The following TLE4 variants were observed in gnomAD, a reference collection of about 807,000 sequenced individuals.
TLE4 encodes the protein transducin-like enhancer protein 4.
A neutral mutation model predicts 92.8 loss-of-function variants in TLE4; 8 were observed. The observed-to-expected ratio is 0.09, with a 90% CI of 0.05 to 0.16. TLE4 has a LOEUF of 0.16. Among genes scored for constraint, TLE4 ranks in the 10% least tolerant of loss-of-function variants. The pLI, the probability that TLE4 is intolerant of heterozygous loss-of-function variation, is 1.00. For synonymous variants in TLE4, 371 were observed against 374.1 expected (o/e 0.99, Z 0.10); for missense variants, 675 against 997.6 (o/e 0.68, Z 4.36).
Position 79,627,405 on chromosome 9 carries a change from G to A in TLE4, c.347G>A (p.Arg116Gln). ...CAACAAGTGGTGCAGGCTGTGGAAC[G>A]GGCCAAGCAGGTGACCATGGCAGAA... Reference protein sequence around the residue: ...HQQQVVQAVERAKQVTMAELN... With the variant: ...HQQQVVQAVEQAKQVTMAELN... Residue 116 changes from arginine to glutamine, a missense_variant, in exon 6 of 20, where the codon CGG becomes CAG. Physicochemically the swap from Arg to Gln is conservative, Grantham distance 43 (BLOSUM62 1). This residue lies in a region of TLE4 where 68 missense variants were observed against 141.2 expected (regional missense o/e 0.48). Transcript: ENST00000376552. 6.2e-7 allele frequency: 1 copy of A among 1,614,134 alleles called. No homozygotes were observed. The highest frequency in any genetic ancestry group is 8.5e-7 in the Non-Finnish European group (1 of 1,180,014).
intron 8 of TLE4, among the ~76,000 whole-genome samples, chr9:79,658,322 G>A (rs1424001749): frequency 2.0e-5 from 3 of 151,984 alleles, no homozygotes; most frequent in Non-Finnish European, 1.5e-5. Context: ...TTTAATTTAC[G>A]TATAATTATT....
chr9:79,614,127 T>C (rs1475468672), intron 5 of TLE4, among the ~76,000 whole-genome samples: 2 of 152,188 alleles, frequency 1.3e-5, no homozygotes, highest in South Asian at 2.1e-4. Flanking sequence ...TCCAGACTAG[T>C]GTGTATTTTT....
chr9:79,724,538 C>G lies in TLE4; in HGVS notation c.2215-499C>G, dbSNP rs550864943. Reference sequence around the variant, plus strand: ...AGGTGTCGCCAAGGGTGGATCCGATCCACCTCTGCCATTTTAAGAAAGTGC... The same window carrying G: ...AGGTGTCGCCAAGGGTGGATCCGATGCACCTCTGCCATTTTAAGAAAGTGC... On this transcript the variant is annotated intron_variant, in intron 19 of 19. Coordinates refer to ENST00000376552, the MANE Select transcript of TLE4 (RefSeq NM_007005.6). 8.4e-4 allele frequency among the ~76,000 whole-genome samples: 128 copies of G among 152,136 alleles called. 1 individual carries two copies. The highest frequency in any genetic ancestry group is 2.2e-4 in the Non-Finnish European group (15 of 67,998).
rs1437960014 is a variant in TLE4, at chr9:79,627,439, C to T, written c.381C>T (p.Ala127=). 1 of 1,614,012 alleles carries T rather than the reference C, an allele frequency of 6.2e-7. No individual in the cohort carries two copies. The highest frequency in any genetic ancestry group is 1.1e-5 in the South Asian group (1 of 91,076). The part of the protein sequence containing the change: ...AKQVTMAELN[A]IIGQQLQAQH... ...AGGTGACCATGGCAGAACTGAACGC[C>T]ATCATTGGGGTACGTGGCCTTTCCA... Residue 127 remains alanine (A), a synonymous_variant, in exon 6 of 20, where the codon GCC becomes GCT. Transcript: ENST00000376552.
At chr9:79,607,336 G>A (rs1028011213) in intron 4 of TLE4, among the ~76,000 whole-genome samples, 1 of 152,144 alleles carries the variant, frequency 6.6e-6, no homozygotes, top group Non-Finnish European at 1.5e-5. Flanking sequence ...TGTTCACTCT[G>A]ATGGTAGTTT....
chr9:79,719,481 G>A (rs2075213550), intron 15 of TLE4, among the ~76,000 whole-genome samples: 1 of 152,162 alleles, frequency 6.6e-6, no homozygotes, highest in Non-Finnish European at 1.5e-5. Flanking sequence ...AACCTCATGA[G>A]CTAGGAGGAA....
At chr9:79,687,266 T>G (rs1475146964) in intron 8 of TLE4, among the ~76,000 whole-genome samples, 1 of 152,178 alleles carries the variant, frequency 6.6e-6, no homozygotes, top group Admixed American at 6.5e-5. Context: ...CATGGCCACG[T>G]ACAAGTTATA....
intron 14 of TLE4, among the ~76,000 whole-genome samples, chr9:79,717,687 G>T (rs1204355158): frequency 2.0e-5 from 3 of 152,158 alleles, no homozygotes; most frequent in African/African-American, 7.2e-5. Flanking sequence ...TCCGCAGTTT[G>T]GTCCAGCTTC....
chr9:79,605,954 T>C (rs2046743908), intron 4 of TLE4, among the ~76,000 whole-genome samples: 1 of 151,978 alleles, frequency 6.6e-6, no homozygotes, highest in Non-Finnish European at 1.5e-5. Context: ...GGTATGGGGG[T>C]TGTGAAAAGA....
chr9:79,579,014 A>G (rs1484697548), intron 4 of TLE4, among the ~76,000 whole-genome samples: 1 of 152,014 alleles, frequency 6.6e-6, no homozygotes, highest in African/African-American at 2.4e-5. Context: ...CTCAAGTTCT[A>G]GCATAAAAGT....
intron 4 of TLE4, among the ~76,000 whole-genome samples, chr9:79,585,840 TC>T (rs1470663033): frequency 6.6e-6 from 1 of 151,986 alleles, no homozygotes; most frequent in Admixed American, 6.6e-5. Context: ...AATAAAGCAT[TC>T]CCCCCGTCCT....
At chr9:79,651,089 A>G (rs78758328) in intron 6 of TLE4, among the ~76,000 whole-genome samples, 1,633 of 146,498 alleles carry the variant, frequency 0.011, 38 homozygotes, top group African/African-American at 0.039. Context: ...CTATCTCTAG[A>G]TATTTTGTGA....
chr9:79,665,761 A>T, intron 8 of TLE4, among the ~76,000 whole-genome samples: 1 of 152,110 alleles, frequency 6.6e-6, no homozygotes, highest in East Asian at 1.9e-4. Context: ...GAATACCCTC[A>T]CTTGCTTTTC....
At chr9:79,608,454 A>G (rs2047605018) in intron 4 of TLE4, among the ~76,000 whole-genome samples, 1 of 152,096 alleles carries the variant, frequency 6.6e-6, no homozygotes, top group Admixed American at 6.6e-5. Context: ...GTTTATTCCA[A>G]AAAGTATTTC....
intron 6 of TLE4, 88 bp downstream of exon 6, chr9:79,627,536 G>C (rs558880171): frequency 3.7e-6 from 5 of 1,346,722 alleles, no homozygotes; most frequent in African/African-American, 1.5e-5. Flanking sequence ...CCGCCAAAGG[G>C]GCAAAAAGCA....
chr9:79,610,003 GGCTTTTCCTCCCCTATT>G (rs1235366797), intron 4 of TLE4, among the ~76,000 whole-genome samples: 3 of 151,976 alleles, frequency 2.0e-5, no homozygotes, highest in Non-Finnish European at 2.9e-5. Flanking sequence ...TGTGTGTTGT[GGCTTTTCCTCCCCTATT>G]GCTTTTCCTC....
chr9:79,689,089 A>G (rs2066488127), intron 8 of TLE4, among the ~76,000 whole-genome samples: 1 of 152,078 alleles, frequency 6.6e-6, no homozygotes, highest in African/African-American at 2.4e-5. Flanking sequence ...ATATGTTTCC[A>G]TATGTTGCTC....
At position 79,726,315 on chromosome 9, in the gene TLE4, T is replaced by C. The variant is rs1224494500; in HGVS notation, c.*1171T>C. 2 of 152,736 alleles carry C rather than the reference T, an allele frequency of 1.3e-5. No individual in the cohort carries two copies. The highest frequency in any genetic ancestry group is 4.1e-4 in the South Asian group (2 of 4,826). 9.5% of individuals were successfully genotyped at this position (152,736 alleles called of 1,614,324 possible). On this transcript the variant is annotated 3_prime_UTR_variant, in exon 20 of 20. Transcript: ENST00000376552. Reference sequence around the variant, plus strand: ...TGTTGTTGTTGTTGCTGTTAAACTATAATATGTGACTTCTTTTTTTATTAT... The same window carrying C: ...TGTTGTTGTTGTTGCTGTTAAACTACAATATGTGACTTCTTTTTTTATTAT...
chr9:79,659,577 A>T (rs7858614), intron 8 of TLE4, among the ~76,000 whole-genome samples: 146,277 of 152,174 alleles, frequency 0.96, 70,337 homozygotes, highest in East Asian at 1. Context: ...TTAGGTCTCT[A>T]TAAATCTTTC....
Sources: gnomAD v4.1 joint callset for allele counts (sites outside exome capture counted in the v4.1 genomes callset) on GRCh38, gnomAD v4.1.1 for gene constraint, gnomAD v4.1.1 regional missense constraint, MANE v1.5 for transcripts, NCBI Gene and HGNC (gene_info 2026-07-23, HGNC 2026-07-21) for gene names.